Variants in ANGPTL2 observed in about 807,000 individuals in gnomAD.
ANGPTL2 encodes the protein angiopoietin-related protein 2.
Under a neutral mutation model 52.8 loss-of-function variants are expected in ANGPTL2, and 25 were observed. That is an observed-to-expected ratio of 0.47 (90% confidence interval 0.35 to 0.66). The LOEUF (loss-of-function observed/expected upper bound fraction) is 0.66. Ranked by LOEUF, ANGPTL2 falls within the 30% of genes least tolerant of loss-of-function variation. The pLI, the probability that ANGPTL2 is intolerant of heterozygous loss-of-function variation, is 0.01. For missense variants in ANGPTL2, 546 were observed against 656.9 expected (o/e 0.83, Z 1.84); for synonymous variants, 276 against 277.4 (o/e 1.00, Z 0.05).
intron 1 of ANGPTL2, among the ~76,000 whole-genome samples, chr9:127,113,942 A>C (rs116782593): frequency 6.6e-6 from 1 of 152,232 alleles, no homozygotes; most frequent in Non-Finnish European, 1.5e-5. Flanking sequence ...TTTTCATCAG[A>C]TGGAGCTGTG....
In ANGPTL2 at chr9:127,091,844, C is replaced by T. The variant is rs1313349894; in HGVS notation, c.1108G>A (p.Glu370Lys). ...QGNYKLLVTM[E>K]DWSGRKVFAE... ...AAGACTTTGCGGCCGGACCAGTCCTCCATGGTCACCAGGAGTTTGTAGTTG... is the reference window on the plus strand; with the variant it reads ...AAGACTTTGCGGCCGGACCAGTCCTTCATGGTCACCAGGAGTTTGTAGTTG... Residue 370 changes from glutamate to lysine, a missense_variant, in exon 4 of 5, where the codon GAG becomes AAG. Glu to Lys is a moderately conservative substitution (Grantham distance 56). This residue lies in a region of ANGPTL2 where 261 missense variants were observed against 361.0 expected (regional missense o/e 0.72). Transcript: ENST00000373425. The surrounding 1 kb of genome is among the most constrained non-coding windows in gnomAD (Gnocchi z 4.3). 1.9e-6 allele frequency: 3 copies of T among 1,614,204 alleles called. No homozygotes were observed. Among genetic ancestry groups the T allele is most frequent in the Non-Finnish European group, 2.5e-6 (3 of 1,180,040 alleles).
rs146592226 is a variant in ANGPTL2 at position 127,108,609 on chromosome 9, T to C, written c.123A>G (p.Leu41=). Residue 41 remains leucine, a synonymous_variant, in exon 2 of 5, where the codon CTA becomes CTG. Coordinates refer to ENST00000373425, the MANE Select transcript of ANGPTL2 (RefSeq NM_012098.3). The part of the protein sequence containing the change: ...EEGSPREFIY[L]NRYKRAGESQ... Reference sequence around the variant, plus strand: ...ACTCGCCCGCCCGCTTGTACCTGTTTAGGTAAATGAACTCTCTTGGCGAGC... The same window carrying C: ...ACTCGCCCGCCCGCTTGTACCTGTTCAGGTAAATGAACTCTCTTGGCGAGC... 36 of 1,613,338 alleles carry C rather than the reference T, an allele frequency of 2.2e-5. No homozygotes were observed. The highest frequency in any genetic ancestry group is 3.3e-4 in the Middle Eastern group (2 of 6,078).
intron 1 of ANGPTL2, among the ~76,000 whole-genome samples, chr9:127,116,131 C>T (rs903723880): frequency 2.0e-5 from 3 of 152,190 alleles, no homozygotes; most frequent in African/African-American, 7.2e-5. Flanking sequence ...ATTGCTACTA[C>T]CTGTCATGGG....
chr9:127,105,323 C>T (rs373384525), intron 2 of ANGPTL2, among the ~76,000 whole-genome samples: 5 of 152,216 alleles, frequency 3.3e-5, no homozygotes, highest in African/African-American at 9.6e-5. Flanking sequence ...AAAAGACGGG[C>T]GAGTGCAGGA....
chr9:127,094,145 TCTC>T (rs1010805862), intron 2 of ANGPTL2, among the ~76,000 whole-genome samples: 1 of 152,104 alleles, frequency 6.6e-6, no homozygotes, highest in Admixed American at 6.5e-5. Context: ...AAGCTCACTT[TCTC>T]CTCTCACCCG....
intron 1 of ANGPTL2, among the ~76,000 whole-genome samples, chr9:127,115,065 C>T (rs978732647): frequency 1.3e-5 from 2 of 152,120 alleles, no homozygotes; most frequent in South Asian, 2.1e-4. Context: ...TAATGGCTGT[C>T]GTTTGTTGTG....
intron 4 of ANGPTL2, 37 bp from the exon 5 acceptor site, chr9:127,089,175 G>A (rs1344083278): frequency 1.2e-6 from 2 of 1,608,688 alleles, no homozygotes; most frequent in East Asian, 4.5e-5. Context: ...TGTCTGGGAG[G>A]AGGCCATTCT....
chr9:127,106,089 C>A (rs543477922), intron 2 of ANGPTL2, among the ~76,000 whole-genome samples: 7 of 152,302 alleles, frequency 4.6e-5, no homozygotes, highest in African/African-American at 1.7e-4. Context: ...TATTCCTATA[C>A]TATGTATCTG....
intron 1 of ANGPTL2, among the ~76,000 whole-genome samples, chr9:127,121,020 C>T (rs2056020728): frequency 6.6e-6 from 1 of 152,072 alleles, no homozygotes; most frequent in Non-Finnish European, 1.5e-5. Context: ...TTGAGTGGCT[C>T]CGGAGCCACA....
intron 1 of ANGPTL2, among the ~76,000 whole-genome samples, chr9:127,111,100 T>C (rs2054765706): frequency 6.6e-6 from 1 of 152,154 alleles, no homozygotes. Context: ...CCCTCTCCCC[T>C]ACGATCATCT....
At chr9:127,098,426 A>G (rs2136697376) in intron 2 of ANGPTL2, among the ~76,000 whole-genome samples, 1 of 152,150 alleles carries the variant, frequency 6.6e-6, no homozygotes, top group Admixed American at 6.5e-5. Flanking sequence ...CCACATTTAC[A>G]TTCTTGGGGG....
At chr9:127,103,152 A>G (rs1159451704) in intron 2 of ANGPTL2, among the ~76,000 whole-genome samples, 1 of 152,270 alleles carries the variant, frequency 6.6e-6, no homozygotes, top group African/African-American at 2.4e-5. Context: ...GAGCTACAAC[A>G]TCATATATTT....
At chr9:127,097,846 C>T (rs958771388) in intron 2 of ANGPTL2, among the ~76,000 whole-genome samples, 1 of 152,172 alleles carries the variant, frequency 6.6e-6, no homozygotes, top group Non-Finnish European at 1.5e-5. Context: ...GCTCCAATCT[C>T]GATGGCCTCA....
chr9:127,112,387 G>A (rs1278149285), intron 1 of ANGPTL2, among the ~76,000 whole-genome samples: 1 of 152,244 alleles, frequency 6.6e-6, no homozygotes, highest in East Asian at 1.9e-4. Flanking sequence ...GCCTTCTTCA[G>A]GCTGCTCACC....
At chr9:127,106,949 A>T (rs372653020) in intron 2 of ANGPTL2, 1 of 152,268 alleles carries the variant, frequency 6.6e-6, no homozygotes, top group South Asian at 2.1e-4. Context: ...TGGTTCATTT[A>T]TGCAGAGATG....
intron 2 of ANGPTL2, among the ~76,000 whole-genome samples, chr9:127,101,294 A>G (rs781670357): frequency 3.7e-4 from 57 of 152,212 alleles, no homozygotes; most frequent in South Asian, 1.4e-3. Flanking sequence ...AGAGGATCAC[A>G]TGACTGGAAA....
At position 127,089,072 on chromosome 9, in the gene ANGPTL2, C is replaced by T; in HGVS notation, c.1349G>A (p.Gly450Glu). The T allele has an allele frequency of 6.2e-7, 1 of 1,614,216 alleles. No individual in the cohort carries two copies. Among genetic ancestry groups the T allele is most frequent in the Non-Finnish European group, 8.5e-7 (1 of 1,180,030 alleles). The change falls in exon 5 of 5, where the codon GGG becomes GAG. Residue 450 changes from glycine to glutamate, a missense_variant. Physicochemically the swap from Gly to Glu is moderately conservative, Grantham distance 98 (BLOSUM62 -2). Coordinates refer to ENST00000373425, the MANE Select transcript of ANGPTL2 (RefSeq NM_012098.3). Reference sequence around the variant, plus strand: ...GTAATGGCCCCCGCGGTACCAGACCCCGTTGAGGTTGGAGTGGGCACAGGC... The same window carrying T: ...GTAATGGCCCCCGCGGTACCAGACCTCGTTGAGGTTGGAGTGGGCACAGGC... ...YNACAHSNLN[G>E]VWYRGGHYRS...
rs572057906 is a variant in ANGPTL2, at chr9:127,107,920, G to A, written c.812C>T (p.Pro271Leu). The change falls in exon 2 of 5, where the codon CCG (proline) becomes CTG (leucine). Residue 271 changes from proline (P) to leucine (L), a missense_variant. By Grantham distance (98) the Pro-to-Leu change is moderately conservative. Transcript: ENST00000373425. ...ACGATCCCAGAAGCACTTACCCGACGGCTTGTCGGTGGAAGATGGGAGGCT... is the reference window on the plus strand; with the variant it reads ...ACGATCCCAGAAGCACTTACCCGACAGCTTGTCGGTGGAAGATGGGAGGCT... ...LTSLPSSTDK[P>L]SGPWRDCLQA... 8 of 1,529,688 alleles carry A rather than the reference G, an allele frequency of 5.2e-6. No individual in the cohort carries two copies. Among genetic ancestry groups the A allele is most frequent in the African/African-American group, 2.8e-5 (2 of 72,696 alleles). The allele number at this position is 1,529,688 out of a possible 1,614,324, so 94.8% of individuals were successfully genotyped here. A position where few individuals can be genotyped will look rare whatever the true frequency, so the allele number is the denominator to read the frequency against.
chr9:127,106,366 A>G (rs2054216194), intron 2 of ANGPTL2, among the ~76,000 whole-genome samples: 1 of 151,072 alleles, frequency 6.6e-6, no homozygotes, highest in Non-Finnish European at 1.5e-5. Flanking sequence ...CGCCAGAGCT[A>G]AAAAAGGGAC....
Sources: allele counts gnomAD v4.1 joint callset (sites outside exome capture counted in the v4.1 genomes callset), GRCh38; gene constraint gnomAD v4.1.1; regional missense constraint gnomAD v4.1.1; non-coding constraint Gnocchi (gnomAD v3.1); transcripts MANE v1.5; gene names NCBI Gene and HGNC (gene_info 2026-07-23, HGNC 2026-07-21).